The following PPFIA2 variants were observed in gnomAD, a reference collection of about 807,000 sequenced individuals.
The protein encoded by PPFIA2 is PPFI scaffold protein A2.
PPFIA2 carries 46 observed loss-of-function variants against 175.5 expected under a neutral mutation model. The observed-to-expected ratio is 0.26, with a 90% CI of 0.21 to 0.34. PPFIA2 has a LOEUF of 0.34. PPFIA2 is among the 10% of genes least tolerant of loss of function. The pLI is 1.00. For synonymous variants in PPFIA2, 568 were observed against 511.4 expected (o/e 1.11, Z -1.49); for missense variants, 1,179 against 1,506.1 (o/e 0.78, Z 3.60).
At chr12:81,447,751 G>A (rs368262329) in intron 5 of PPFIA2, among the ~76,000 whole-genome samples, 2 of 152,130 alleles carry the variant, frequency 1.3e-5, no homozygotes, top group East Asian at 3.9e-4. Context: ...TTGGGTGTTA[G>A]CTCAATTCCC....
intron 4 of PPFIA2, among the ~76,000 whole-genome samples, chr12:81,467,343 G>T (rs752967066): frequency 2.0e-5 from 3 of 152,126 alleles, no homozygotes; most frequent in Non-Finnish European, 4.4e-5. Context: ...TAAGGGTAGA[G>T]CCTATGAGGA....
chr12:81,718,734 C>T (rs2078964036), intron 3 of PPFIA2, among the ~76,000 whole-genome samples: 2 of 151,616 alleles, frequency 1.3e-5, no homozygotes, highest in South Asian at 4.1e-4. Context: ...ACAGTTTCTA[C>T]AGATTATGTT....
intron 4 of PPFIA2, among the ~76,000 whole-genome samples, chr12:81,655,470 C>T (rs73147501): frequency 0.091 from 13,836 of 151,550 alleles, 882 homozygotes; most frequent in East Asian, 0.27. Context: ...GTTTTAACTG[C>T]CTTCCACATG....
chr12:81,652,970 A>G (rs951123218), intron 4 of PPFIA2, among the ~76,000 whole-genome samples: 4 of 151,942 alleles, frequency 2.6e-5, no homozygotes, highest in African/African-American at 9.7e-5. Context: ...ATTTTCCTCA[A>G]TATACGAATC....
intron 4 of PPFIA2, among the ~76,000 whole-genome samples, chr12:81,533,642 C>T (rs2064923938): frequency 6.6e-6 from 1 of 151,276 alleles, no homozygotes; most frequent in Non-Finnish European, 1.5e-5. Flanking sequence ...TAGAACTTAT[C>T]AATGTTATAC....
intron 4 of PPFIA2, among the ~76,000 whole-genome samples, chr12:81,656,943 TA>T (rs1466783206): frequency 6.6e-6 from 1 of 152,202 alleles, no homozygotes; most frequent in Non-Finnish European, 1.5e-5. Flanking sequence ...ATTTTAATTG[TA>T]AGTAATAATT....
intron 4 of PPFIA2, among the ~76,000 whole-genome samples, chr12:81,607,458 G>C (rs747367612): frequency 2.0e-5 from 3 of 152,012 alleles, no homozygotes; most frequent in African/African-American, 7.2e-5. Context: ...ATTTATTTGT[G>C]TCATCTCTGA....
intron 4 of PPFIA2, chr12:81,506,036 C>G (rs916351510): frequency 6.6e-6 from 1 of 152,172 alleles, no homozygotes; most frequent in East Asian, 1.9e-4. Flanking sequence ...GATTTTCTCA[C>G]GTCCCTGATG....
chr12:81,675,779 T>C (rs2072392006), intron 4 of PPFIA2: 1 of 152,042 alleles, frequency 6.6e-6, no homozygotes, highest in Admixed American at 6.6e-5. Context: ...TGCCTTACAT[T>C]GTAATGTAAT....
chr12:81,504,616 C>T (rs560086596), intron 4 of PPFIA2, among the ~76,000 whole-genome samples: 69 of 152,190 alleles, frequency 4.5e-4, no homozygotes, highest in Non-Finnish European at 8.2e-4. Context: ...AATAAAAATA[C>T]CATTTGACCC....
chr12:81,753,669 T>C lies in PPFIA2; in HGVS notation c.249+304A>G, dbSNP rs537521843. On this transcript the variant is annotated intron_variant, in intron 3 of 32. Transcript: ENST00000549396. ...AAGAAAGATAAAACTATCTCCACAT[T>C]CTGGTCATTAAAAGCTGATCCACAA... is the stretch of plus-strand genomic sequence containing the variant. 1.2e-4 allele frequency among the ~76,000 whole-genome samples: 19 copies of C among 152,282 alleles called. No homozygotes were observed. The South Asian group carries it at 3.5e-3, about 28-fold the overall frequency.
intron 3 of PPFIA2, among the ~76,000 whole-genome samples, chr12:81,710,278 C>A (rs1277864759): frequency 6.8e-6 from 1 of 146,842 alleles, no homozygotes; most frequent in Non-Finnish European, 1.5e-5. Flanking sequence ...ACCTTCCACC[C>A]AAGACTATGA....
intron 4 of PPFIA2, among the ~76,000 whole-genome samples, chr12:81,477,140 A>G (rs2057577678): frequency 6.6e-6 from 1 of 152,124 alleles, no homozygotes; most frequent in African/African-American, 2.4e-5. Context: ...TGATGGGGGC[A>G]GCTAACCACC....
At chr12:81,497,469 A>G (rs993411842) in intron 4 of PPFIA2, among the ~76,000 whole-genome samples, 1 of 151,834 alleles carries the variant, frequency 6.6e-6, no homozygotes, top group African/African-American at 2.4e-5. Flanking sequence ...ACAGAAGTAG[A>G]AAAAGGGTCT....
At chr12:81,298,735 C>T (rs1054192380) in intron 23 of PPFIA2, among the ~76,000 whole-genome samples, 4 of 152,204 alleles carry the variant, frequency 2.6e-5, no homozygotes, top group Admixed American at 2.6e-4. Flanking sequence ...CTATGTTGTA[C>T]AGGAAATGCT....
At chr12:81,551,290 GT>G in intron 4 of PPFIA2, among the ~76,000 whole-genome samples, 1 of 151,898 alleles carries the variant, frequency 6.6e-6, no homozygotes, top group South Asian at 2.1e-4. Context: ...TGGACTATAT[GT>G]TTTACTATCA....
At chr12:81,263,718 G>A (rs1475664312) in intron 30 of PPFIA2, among the ~76,000 whole-genome samples, 1 of 152,088 alleles carries the variant, frequency 6.6e-6, no homozygotes, top group Non-Finnish European at 1.5e-5. Flanking sequence ...ACTTTATGCC[G>A]ACGGGTTTTA....
intron 22 of PPFIA2, among the ~76,000 whole-genome samples, chr12:81,303,238 C>T (rs144571571): frequency 1.5e-3 from 221 of 152,276 alleles, no homozygotes; most frequent in Non-Finnish European, 1.3e-3. Context: ...GAAAATTACT[C>T]TCTTTCCCTG....
At chr12:81,476,115 TG>T (rs775562010) in intron 4 of PPFIA2, among the ~76,000 whole-genome samples, 1 of 152,228 alleles carries the variant, frequency 6.6e-6, no homozygotes, top group Non-Finnish European at 1.5e-5. Context: ...GGACTTATGC[TG>T]AAGTTTTAGT....
Sources: gnomAD v4.1 joint callset for allele counts (sites outside exome capture counted in the v4.1 genomes callset) on GRCh38, gnomAD v4.1.1 for gene constraint, MANE v1.5 for transcripts, NCBI Gene and HGNC (gene_info 2026-07-23, HGNC 2026-07-21) for gene names.